The following GSN variants were observed in gnomAD, a reference collection of about 807,000 sequenced individuals.
GSN encodes gelsolin.
A neutral mutation model predicts 85.7 loss-of-function variants in GSN; 56 were observed. The ratio of observed to expected loss-of-function variants is 0.65; its 90% CI spans 0.53 to 0.82. GSN has a LOEUF of 0.82. Among genes scored for constraint, GSN ranks in the 40% least tolerant of loss-of-function variants. The pLI, the probability that GSN is intolerant of heterozygous loss-of-function variation, is 0.00. For synonymous variants in GSN, 373 were observed against 399.1 expected (o/e 0.93, Z 0.78); for missense variants, 857 against 979.8 (o/e 0.87, Z 1.67).
chr9:121,310,529 T>C, intron 4 of GSN, 155 bp from the exon 5 acceptor site: 1 of 728,194 alleles, frequency 1.4e-6, no homozygotes, highest in Non-Finnish European at 2.5e-6. Flanking sequence ...AGATAATGGG[T>C]ATGAAAGTCC....
chr9:121,319,105 G>C (rs1363034096), intron 10 of GSN, among the ~76,000 whole-genome samples: 1 of 152,254 alleles, frequency 6.6e-6, no homozygotes, highest in Admixed American at 6.5e-5. Context: ...TCTGGGAGGG[G>C]AGTTGACCAT....
intron 4 of GSN, among the ~76,000 whole-genome samples, chr9:121,224,713 A>G (rs2054240143): frequency 6.6e-6 from 1 of 151,026 alleles, no homozygotes; most frequent in Non-Finnish European, 1.5e-5. Flanking sequence ...TTGGTCAATC[A>G]ATAGAGATAT....
At chr9:121,209,137 G>C (rs750694407) in intron 1 of GSN, among the ~76,000 whole-genome samples, 2 of 152,186 alleles carry the variant, frequency 1.3e-5, no homozygotes, top group Non-Finnish European at 2.9e-5. Flanking sequence ...GTAGCTGAAG[G>C]GTGCCACTAA....
At chr9:121,325,322 A>T (rs1182594962) in intron 12 of GSN, among the ~76,000 whole-genome samples, 2 of 152,204 alleles carry the variant, frequency 1.3e-5, no homozygotes, top group African/African-American at 4.8e-5. Context: ...ATGCACGTGT[A>T]GGAGTTGCCC....
At chr9:121,283,664 T>C (rs531987985) in intron 2 of GSN, 1 of 160,478 alleles carries the variant, frequency 6.2e-6, no homozygotes, top group East Asian at 2.0e-4. Flanking sequence ...TTGATTTATG[T>C]ATATAGGTTC....
chr9:121,251,023 G>A (rs1402221637), intron 6 of GSN, among the ~76,000 whole-genome samples: 3 of 150,718 alleles, frequency 2.0e-5, no homozygotes, highest in Non-Finnish European at 4.4e-5. Flanking sequence ...TTGGGGTTTC[G>A]CCACATTGTC....
At chr9:121,213,552 A>G (rs2054004991) in intron 4 of GSN, among the ~76,000 whole-genome samples, 1 of 152,206 alleles carries the variant, frequency 6.6e-6, no homozygotes. Flanking sequence ...GAAGAAAGTG[A>G]AGAAGTTTGC....
intron 1 of GSN, among the ~76,000 whole-genome samples, chr9:121,278,378 C>T (rs537230834): frequency 1.3e-5 from 2 of 152,264 alleles, no homozygotes; most frequent in East Asian, 3.9e-4. Context: ...TCATGTTACT[C>T]CCATCAGGTC....
intron 2 of GSN, among the ~76,000 whole-genome samples, chr9:121,292,889 C>T (rs1374826139): frequency 2.6e-5 from 4 of 152,138 alleles, no homozygotes; most frequent in African/African-American, 9.7e-5. Context: ...GGGCATGGTC[C>T]ACGGATCCCT....
chr9:121,311,583 C>T (rs2061150386), intron 5 of GSN: 1 of 152,984 alleles, frequency 6.5e-6, no homozygotes, highest in Non-Finnish European at 1.5e-5. Flanking sequence ...AGAACCTCAC[C>T]AGCCCCTAGA....
chr9:121,218,665 T>C (rs1402282777), intron 4 of GSN, among the ~76,000 whole-genome samples: 1 of 152,106 alleles, frequency 6.6e-6, no homozygotes, highest in East Asian at 1.9e-4. Flanking sequence ...GAAACGTACA[T>C]GTAAGCTAAT....
At chr9:121,219,455 G>A (rs906178316) in intron 4 of GSN, among the ~76,000 whole-genome samples, 14 of 152,036 alleles carry the variant, frequency 9.2e-5, no homozygotes, top group Admixed American at 5.2e-4. Flanking sequence ...ATGATACAGC[G>A]TTGACACAGG....
At chr9:121,282,492 T>A in intron 2 of GSN, 1 of 1,257,922 alleles carries the variant, frequency 7.9e-7, no homozygotes, top group Non-Finnish European at 1.0e-6. Flanking sequence ...CCCAGCTGGC[T>A]TCCAGATGGT....
At position 121,310,919 on chromosome 9, in the gene GSN, C is replaced by T. The variant is rs1039740767; in HGVS notation, c.513+74C>T. On this transcript the variant is annotated intron_variant, in intron 5 of 17. Transcript: ENST00000432226. ...CTGATCAGGGACTTGGGTACATCCA[C>T]GTGAACAAATGCATAGATGCAGGTG... 1.4e-5 allele frequency: 19 copies of T among 1,391,078 alleles called. No homozygotes were observed. In the Admixed American group the frequency reaches 1.6e-4, roughly 12 times the overall value. 86.2% of individuals were successfully genotyped at this position (1,391,078 alleles called of 1,614,324 possible). A position where few individuals can be genotyped will look rare whatever the true frequency, so the allele number is the denominator to read the frequency against.
chr9:121,299,649 G>A lies in GSN; in HGVS notation c.-9-2314G>A, dbSNP rs1019180505. The A allele has an allele frequency of 1.1e-5, 7 of 627,042 alleles. No homozygotes were observed. Among genetic ancestry groups the A allele is most frequent in the Non-Finnish European group, 1.5e-5 (7 of 465,812 alleles). The allele number at this position is 627,042 out of a possible 1,614,324, so 38.8% of individuals were successfully genotyped here. ...CGCCGTATGTCAGGCCTGGTGCTGGGTCTCCGCCCCGGAGCTGGGGTGCAG... is the reference window on the plus strand; with the variant it reads ...CGCCGTATGTCAGGCCTGGTGCTGGATCTCCGCCCCGGAGCTGGGGTGCAG... On this transcript the variant is annotated intron_variant, in intron 2 of 17. Transcript: ENST00000432226. This position sits in a 1 kb window ranked among gnomAD's most constrained non-coding sequence, Gnocchi z 4.2.
intron 4 of GSN, among the ~76,000 whole-genome samples, chr9:121,212,659 T>C (rs908667406): frequency 6.6e-6 from 1 of 151,352 alleles, no homozygotes; most frequent in Non-Finnish European, 1.5e-5. Flanking sequence ...TTTTTTTTTT[T>C]CTGAGATGGA....
chr9:121,289,633 C>T (rs998912991), intron 2 of GSN, among the ~76,000 whole-genome samples: 19 of 152,188 alleles, frequency 1.2e-4, no homozygotes, highest in African/African-American at 4.6e-4. Context: ...CTCATCTTGT[C>T]TCATTTGCAT....
chr9:121,323,768 C>T (rs12683989), intron 11 of GSN, among the ~76,000 whole-genome samples: 10,204 of 152,172 alleles, frequency 0.067, 424 homozygotes, highest in African/African-American at 0.11. Context: ...GGCAGTTGCC[C>T]GGTCTTTCCT....
At chr9:121,282,401 C>T in intron 2 of GSN, 3 of 982,048 alleles carry the variant, frequency 3.1e-6, no homozygotes, top group Non-Finnish European at 2.8e-6. Flanking sequence ...CCCAGGAAAA[C>T]ACCCCTCCAA....
Sources: gnomAD v4.1 joint callset for allele counts (sites outside exome capture counted in the v4.1 genomes callset) on GRCh38, gnomAD v4.1.1 for gene constraint, Gnocchi (gnomAD v3.1) non-coding constraint, MANE v1.5 for transcripts, NCBI Gene and HGNC (gene_info 2026-07-23, HGNC 2026-07-21) for gene names.